The following KLHL1 variants were observed in gnomAD, a reference collection of about 807,000 sequenced individuals.
The protein encoded by KLHL1 is kelch like family member 1, also known as kelch-like protein 1.
A neutral mutation model predicts 77.7 loss-of-function variants in KLHL1; 47 were observed. The observed-to-expected ratio is 0.60, with a 90% confidence interval of 0.48 to 0.77. KLHL1 has a LOEUF of 0.77. Among genes scored for constraint, KLHL1 ranks in the 30% least tolerant of loss-of-function variants. The pLI is 0.00. For synonymous variants in KLHL1, 360 were observed against 325.2 expected (o/e 1.11, Z -1.15); for missense variants, 925 against 910.8 (o/e 1.02, Z -0.20).
Position 69,707,787 on chromosome 13 carries a change from G to C in KLHL1, c.2025C>G (p.Pro675=). The C allele has an allele frequency of 6.2e-7, 1 of 1,611,804 alleles. No homozygotes were observed. The highest frequency in any genetic ancestry group is 8.5e-7 in the Non-Finnish European group (1 of 1,178,700). ...RLLDYVERYD[P]KTDTWTMVAP... is the part of the protein sequence containing the mutation. ...CCACCATGGTCCAAGTGTCTGTTTT[G>C]GGATCATATCTAAAATTCAATGACA... The change falls in exon 10 of 11, where the codon CCC becomes CCG. Residue 675 remains proline, a synonymous_variant. Transcript: ENST00000377844.
chr13:69,871,418 A>G (rs367795039), intron 5 of KLHL1, among the ~76,000 whole-genome samples: 11 of 152,236 alleles, frequency 7.2e-5, no homozygotes, highest in African/African-American at 2.6e-4. Context: ...CCCTTTAGTC[A>G]CGCTAATTTC....
intron 5 of KLHL1, among the ~76,000 whole-genome samples, chr13:69,862,899 T>C (rs549688641): frequency 1.4e-4 from 22 of 152,114 alleles, no homozygotes; most frequent in Non-Finnish European, 1.6e-4. Context: ...AAAATACATT[T>C]CTGATGTTTA....
At chr13:69,972,790 G>A (rs1884426443) in intron 2 of KLHL1, among the ~76,000 whole-genome samples, 1 of 151,736 alleles carries the variant, frequency 6.6e-6, no homozygotes, top group African/African-American at 2.4e-5. Context: ...TTTCATATCT[G>A]TACATTATAT....
intron 5 of KLHL1, among the ~76,000 whole-genome samples, chr13:69,877,626 T>C (rs963677687): frequency 2.0e-5 from 3 of 152,158 alleles, no homozygotes; most frequent in African/African-American, 7.2e-5. Flanking sequence ...TGTAATTCAT[T>C]CTTGGATTAT....
At chr13:70,024,620 T>TTCTCTCTCTCTCTCTCTCTCTTTCTCTC (rs1555291451) in intron 1 of KLHL1, among the ~76,000 whole-genome samples, 1 of 130,288 alleles carries the variant, frequency 7.7e-6, no homozygotes, top group East Asian at 2.2e-4. Context: ...GAGAAAAGAT[T>TTCTCTCTCTCTCTCTCTCTCTTTCTCTC]TCTCTCTCTC....
chr13:69,736,887 T>C (rs1873787496), intron 8 of KLHL1, among the ~76,000 whole-genome samples: 1 of 151,886 alleles, frequency 6.6e-6, no homozygotes, highest in South Asian at 2.1e-4. Context: ...AATGAGACAA[T>C]AGGAGGGAGT....
chr13:69,730,728 T>C (rs1873506808), intron 8 of KLHL1, among the ~76,000 whole-genome samples: 1 of 152,008 alleles, frequency 6.6e-6, no homozygotes. Flanking sequence ...TACAGGAGCA[T>C]GCCACCATGC....
intron 1 of KLHL1, among the ~76,000 whole-genome samples, chr13:69,994,840 G>A (rs1038136920): frequency 6.6e-6 from 1 of 151,934 alleles, no homozygotes; most frequent in Non-Finnish European, 1.5e-5. Context: ...AATATATATG[G>A]CAATTATGCA....
intron 6 of KLHL1, among the ~76,000 whole-genome samples, chr13:69,812,329 T>A (rs1051711594): frequency 7.2e-5 from 11 of 152,190 alleles, no homozygotes; most frequent in Admixed American, 4.6e-4. Context: ...TAATTCAAGA[T>A]GGATTAAAGA....
intron 4 of KLHL1, among the ~76,000 whole-genome samples, chr13:69,895,713 CT>C (rs11459436): frequency 2.0e-4 from 28 of 140,762 alleles, no homozygotes; most frequent in Admixed American, 3.6e-4. Context: ...TTCTTTTTTC[CT>C]TTTTTTTTTT....
At chr13:69,962,709 A>G (rs1884103454) in intron 2 of KLHL1, among the ~76,000 whole-genome samples, 1 of 152,122 alleles carries the variant, frequency 6.6e-6, no homozygotes, top group South Asian at 2.1e-4. Context: ...ATTTTCAAGT[A>G]TAATTATGAG....
At chr13:69,935,284 G>GTTCACC (rs1376755738) in intron 4 of KLHL1, among the ~76,000 whole-genome samples, 3 of 151,812 alleles carry the variant, frequency 2.0e-5, no homozygotes, top group African/African-American at 7.3e-5. Flanking sequence ...TTGGTACATA[G>GTTCACC]CAGTCAATAG....
rs572742388 is a variant in KLHL1 at position 69,878,707 on chromosome 13, T to G, written c.1227+3576A>C. Among the ~76,000 whole-genome samples, 52 of 149,938 alleles carry G rather than the reference T, an allele frequency of 3.5e-4. No individual in the cohort carries two copies. The East Asian group carries it at 3.7e-3, about 11-fold the overall frequency. On this transcript the variant is annotated intron_variant, in intron 5 of 10. Coordinates refer to ENST00000377844, the MANE Select transcript of KLHL1 (RefSeq NM_020866.3). ...ATATATGTGTGTATGCATATATATA[T>G]ATATAGAGAGAGAGAGAGAGAGAGA...
chr13:70,049,558 G>A (rs569365290), intron 1 of KLHL1, among the ~76,000 whole-genome samples: 33 of 152,002 alleles, frequency 2.2e-4, no homozygotes, highest in Admixed American at 3.3e-4. Flanking sequence ...CCATAAACAA[G>A]CATTTATAAT....
At chr13:69,863,655 T>C (rs1373170820) in intron 5 of KLHL1, among the ~76,000 whole-genome samples, 1 of 152,078 alleles carries the variant, frequency 6.6e-6, no homozygotes, top group Non-Finnish European at 1.5e-5. Context: ...TGAATTCATC[T>C]GTATTTCTTT....
chr13:70,036,209 G>T (rs1886235403), intron 1 of KLHL1, among the ~76,000 whole-genome samples: 1 of 151,830 alleles, frequency 6.6e-6, no homozygotes, highest in African/African-American at 2.4e-5. Flanking sequence ...GGGATTTTTA[G>T]AAACATTGCT....
chr13:70,031,650 A>C (rs1421939687), intron 1 of KLHL1, among the ~76,000 whole-genome samples: 1 of 152,158 alleles, frequency 6.6e-6, no homozygotes, highest in Non-Finnish European at 1.5e-5. Context: ...GATCCTGAGC[A>C]GGATGGGGGT....
chr13:69,805,496 T>C (rs1877578501), intron 6 of KLHL1, among the ~76,000 whole-genome samples: 1 of 151,620 alleles, frequency 6.6e-6, no homozygotes, highest in African/African-American at 2.4e-5. Flanking sequence ...CTTTAAAATC[T>C]TAGAAAAAAT....
chr13:69,752,701 G>A (rs1356916037), intron 7 of KLHL1, among the ~76,000 whole-genome samples: 1 of 152,108 alleles, frequency 6.6e-6, no homozygotes, highest in African/African-American at 2.4e-5. Context: ...ACTGACCTGG[G>A]GGTTTAAAGG....
Sources: allele counts gnomAD v4.1 joint callset (sites outside exome capture counted in the v4.1 genomes callset), GRCh38; gene constraint gnomAD v4.1.1; transcripts MANE v1.5; gene names NCBI Gene and HGNC (gene_info 2026-07-23, HGNC 2026-07-21).